Variants in SHOX observed in about 807,000 individuals in gnomAD.
SHOX encodes the protein SHOX homeobox.
A neutral mutation model predicts 29.6 loss-of-function variants in SHOX; 12 were observed. The observed-to-expected ratio is 0.41, with a 90% CI of 0.26 to 0.66. SHOX has a LOEUF of 0.66. SHOX is among the 30% of genes least tolerant of loss of function. SHOX has a pLI of 0.35. For missense variants in SHOX, 499 were observed against 437.7 expected (o/e 1.14, Z -1.25); for synonymous variants, 214 against 200.6 (o/e 1.07, Z -0.57).
chrX:635,416 G>C (rs932244932), intron 2 of SHOX, among the ~76,000 whole-genome samples: 2 of 152,320 alleles, frequency 1.3e-5, no homozygotes, highest in East Asian at 1.9e-4. Context: ...CCTAGGTGGA[G>C]AGAAACAGGG....
At chrX:633,248 G>T (rs1490405308) in intron 1 of SHOX, among the ~76,000 whole-genome samples, 2 of 152,170 alleles carry the variant, frequency 1.3e-5, no homozygotes, top group African/African-American at 2.4e-5. Flanking sequence ...GAGCCCGTGG[G>T]TTCTGCAAAG....
chrX:655,604 CTCTCTCTCTCTATATATATATATA>C (rs1250689841), downstream of SHOX, among the ~76,000 whole-genome samples: 990 of 37,700 alleles, frequency 0.026, 2 homozygotes, highest in Non-Finnish European at 0.034. Context: ...CTCTCTCTCT[CTCTCTCTCTCTATATATATATATA>C]TATATATATA....
rs1249369035 is a variant in SHOX, at chrX:640,860, G to C, written c.526G>C (p.Glu176Gln). The change falls in exon 3 of 5, where the codon GAG becomes CAG. Residue 176 changes from glutamate (E) to glutamine (Q), a missense_variant. Glu to Gln is a conservative substitution (Grantham distance 29). Coordinates refer to ENST00000686671, the MANE Select transcript of SHOX (RefSeq NM_000451.4). ...QNRRAKCRKQ[E>Q]NQMHKGVILG... is the part of the protein sequence containing the mutation. Reference sequence around the variant, plus strand: ...CCGGAGAGCCAAGTGCCGCAAACAAGAGAATCAGATGCATAAAGGTGGGTG... The same window carrying C: ...CCGGAGAGCCAAGTGCCGCAAACAACAGAATCAGATGCATAAAGGTGGGTG... The C allele has an allele frequency of 6.2e-7, 1 of 1,613,916 alleles. No homozygotes were observed.
intron 1 of SHOX, among the ~76,000 whole-genome samples, chrX:624,850 C>T (rs2052479208): frequency 1.0e-5 from 1 of 100,246 alleles, no homozygotes; most frequent in Non-Finnish European, 2.1e-5. Context: ...TTCCTCTCTT[C>T]CTCTTTCTTT....
At position 644,525 on chromosome X, in the gene SHOX, C is replaced by T. The variant is rs974381093; in HGVS notation, c.768C>T (p.Ser256=). 2.0e-6 allele frequency: 3 copies of T among 1,518,304 alleles called. No homozygotes were observed. Among genetic ancestry groups the T allele is most frequent in the African/African-American group, 1.4e-5 (1 of 70,442 alleles). 94.1% of individuals were successfully genotyped at this position (1,518,304 alleles called of 1,614,324 possible). Reference sequence around the variant, plus strand: ...TGCCCATCGCGTCGCTGGCCGAGTCCGCCTCGGCCGCCGCCGTGGTCGCCG... The same window carrying T: ...TGCCCATCGCGTCGCTGGCCGAGTCTGCCTCGGCCGCCGCCGTGGTCGCCG... ...FGLPIASLAE[S]ASAAAVVAAA... is the part of the protein sequence containing the mutation. The change falls in exon 5 of 5, where the codon TCC becomes TCT. Residue 256 remains serine, a synonymous_variant. Coordinates refer to ENST00000686671, the MANE Select transcript of SHOX (RefSeq NM_000451.4).
At chrX:656,669 G>A (rs901520010) in intron 5 of SHOX, among the ~76,000 whole-genome samples, 13 of 151,958 alleles carry the variant, frequency 8.6e-5, no homozygotes, top group African/African-American at 2.4e-4. Flanking sequence ...GTGAAACCCC[G>A]TCTCTACTAA....
chrX:630,370 G>A (rs188327789), upstream of SHOX: 5,302 of 158,176 alleles, frequency 0.034, 357 homozygotes, highest in African/African-American at 0.12. Flanking sequence ...TCCAGGCGCC[G>A]GGCTCTGCGC....
Position 650,804 on chromosome X carries a change from A to AAAC in SHOX, c.*6170_*6171insCAA, listed in dbSNP as rs2053046009. Reference sequence around the variant, plus strand: ...ACACGTTTGACATTAAAAAAAAAAAAAAAAAAAAAAAAAAACTGGTGCCTA... The same window carrying AAAC: ...ACACGTTTGACATTAAAAAAAAAAAAAACAAAAAAAAAAAAAAACTGGTGCCTA... On this transcript the variant is annotated 3_prime_UTR_variant, in exon 5 of 5. Transcript: ENST00000686671. Among the ~76,000 whole-genome samples, 1 of 147,216 alleles carries AAAC rather than the reference A, an allele frequency of 6.8e-6. No homozygotes were observed. Among genetic ancestry groups the AAAC allele is most frequent in the South Asian group, 2.4e-4 (1 of 4,206 alleles).
intron 4 of SHOX, among the ~76,000 whole-genome samples, chrX:641,506 T>C (rs1180298557): frequency 6.6e-6 from 1 of 151,958 alleles, no homozygotes; most frequent in Non-Finnish European, 1.5e-5. Flanking sequence ...CTGACCAACA[T>C]GCTGAAACCC....
At position 644,916 on chromosome X, in the gene SHOX, G is replaced by A. The variant is rs2052938060; in HGVS notation, c.*280G>A. ...GCTGCCCGTGCGTCCTGGGACCCTGGAGAAGGGTAAACCCCCGCCTGGCTG... is the reference window on the plus strand; with the variant it reads ...GCTGCCCGTGCGTCCTGGGACCCTGAAGAAGGGTAAACCCCCGCCTGGCTG... On this transcript the variant is annotated 3_prime_UTR_variant, in exon 5 of 5. Coordinates refer to ENST00000686671, the MANE Select transcript of SHOX (RefSeq NM_000451.4). 6 of 437,138 alleles carry A rather than the reference G, an allele frequency of 1.4e-5. 1 individual carries two copies. The highest frequency in any genetic ancestry group is 7.9e-5 in the East Asian group (2 of 25,464). The allele number at this position is 437,138 out of a possible 1,614,324, so 27.1% of individuals were successfully genotyped here.
intron 1 of SHOX, among the ~76,000 whole-genome samples, chrX:625,057 T>TCCCTCCCTCCCTCCCTCCTTC (rs199719352): frequency 1.3e-4 from 13 of 97,044 alleles, no homozygotes; most frequent in African/African-American, 2.8e-4. Context: ...CTCTGTTCCT[T>TCCCTCCCTCCCTCCCTCCTTC]CCTCCCTCCC....
intron 2 of SHOX, 106 bp from the exon 3 acceptor site, chrX:640,715 C>T (rs2052838706): frequency 1.5e-6 from 2 of 1,293,114 alleles, no homozygotes; most frequent in Non-Finnish European, 2.2e-6. Flanking sequence ...CCTCCCAGCT[C>T]CCAGAGGTGC....
upstream of SHOX, among the ~76,000 whole-genome samples, chrX:630,109 C>G (rs1180711051): frequency 2.6e-5 from 4 of 152,168 alleles, no homozygotes; most frequent in African/African-American, 9.6e-5. Context: ...ACCCGGGAGG[C>G]GGCCCCGGGG....
At chrX:637,639 T>G (rs2052781244) in intron 2 of SHOX, among the ~76,000 whole-genome samples, 1 of 152,020 alleles carries the variant, frequency 6.6e-6, no homozygotes, top group South Asian at 2.1e-4. Flanking sequence ...AAGGATCCTA[T>G]AGTAAAGGCG....
At chrX:658,175 A>G (rs2053173549) in intron 5 of SHOX, among the ~76,000 whole-genome samples, 1 of 151,988 alleles carries the variant, frequency 6.6e-6, no homozygotes, top group African/African-American at 2.4e-5. Flanking sequence ...AGGTTTTACC[A>G]TGTTGGCCAG....
chrX:633,229 C>A (rs1024987877), intron 1 of SHOX, among the ~76,000 whole-genome samples: 1 of 152,092 alleles, frequency 6.6e-6, no homozygotes, highest in Non-Finnish European at 1.5e-5. Flanking sequence ...GTGTCCCCGC[C>A]GAGCCTGGGA....
intron 2 of SHOX, among the ~76,000 whole-genome samples, chrX:638,507 A>T (rs1219655650): frequency 6.6e-6 from 1 of 152,166 alleles, no homozygotes; most frequent in Non-Finnish European, 1.5e-5. Flanking sequence ...TTTCGATGTC[A>T]GCACCAGGCA....
At chrX:639,544 G>C (rs891606738) in intron 2 of SHOX, among the ~76,000 whole-genome samples, 1 of 152,212 alleles carries the variant, frequency 6.6e-6, no homozygotes, top group South Asian at 2.1e-4. Context: ...TGGAAACTTC[G>C]GTTCTCCTAC....
At position 648,516 on chromosome X, in the gene SHOX, AC is replaced by A. The variant is rs1255997824; in HGVS notation, c.*3882del. ...AGTGCTGGGATTACAGGCGTGAGCC[AC>A]CGCACCTGGCCTGAATCTGAACTTT... is the stretch of plus-strand genomic sequence containing the variant. On this transcript the variant is annotated 3_prime_UTR_variant, in exon 5 of 5. Coordinates refer to ENST00000686671, the MANE Select transcript of SHOX (RefSeq NM_000451.4). 6.6e-6 allele frequency among the ~76,000 whole-genome samples: 1 copy of A among 152,190 alleles called. No individual in the cohort carries two copies. Among genetic ancestry groups the A allele is most frequent in the Non-Finnish European group, 1.5e-5 (1 of 68,032 alleles).
Sources: gnomAD v4.1 joint callset for allele counts (sites outside exome capture counted in the v4.1 genomes callset) on GRCh38, gnomAD v4.1.1 for gene constraint, MANE v1.5 for transcripts, NCBI Gene and HGNC (gene_info 2026-07-23, HGNC 2026-07-21) for gene names.